The following FBXL17 variants were observed in gnomAD, a reference collection of about 807,000 sequenced individuals.
FBXL17 encodes the protein F-box/LRR-repeat protein 17.
Under a neutral mutation model 66.2 loss-of-function variants are expected in FBXL17, and 22 were observed. The observed-to-expected ratio is 0.33, with a 90% CI of 0.24 to 0.47. The LOEUF (loss-of-function observed/expected upper bound fraction) is 0.47, where lower values mean the gene tolerates loss of function less well. Among genes scored for constraint, FBXL17 ranks in the 20% least tolerant of loss-of-function variants. The pLI is 1.00. For synonymous variants in FBXL17, 474 were observed against 400.5 expected (o/e 1.18, Z -2.19); for missense variants, 878 against 948.2 (o/e 0.93, Z 0.97).
intron 4 of FBXL17, among the ~76,000 whole-genome samples, chr5:108,269,286 G>T (rs926726692): frequency 5.3e-5 from 8 of 151,984 alleles, no homozygotes; most frequent in Non-Finnish European, 8.8e-5. Flanking sequence ...TCAAAGTGGC[G>T]TATTTTGAGG....
At chr5:107,929,202 T>C (rs2112572210) in intron 7 of FBXL17, among the ~76,000 whole-genome samples, 1 of 152,302 alleles carries the variant, frequency 6.6e-6, no homozygotes, top group South Asian at 2.1e-4. Context: ...ATAATTCATT[T>C]TTAAATGCCT....
intron 4 of FBXL17, among the ~76,000 whole-genome samples, chr5:108,275,598 A>G (rs1242183272): frequency 6.6e-6 from 1 of 152,222 alleles, no homozygotes; most frequent in African/African-American, 2.4e-5. Flanking sequence ...TACCTGTGTC[A>G]AGAACTATAT....
At chr5:108,230,468 G>T (rs1460897784) in intron 4 of FBXL17, among the ~76,000 whole-genome samples, 1 of 152,172 alleles carries the variant, frequency 6.6e-6, no homozygotes, top group Non-Finnish European at 1.5e-5. Context: ...AGTAACTCAG[G>T]AATGGAAAAA....
intron 6 of FBXL17, among the ~76,000 whole-genome samples, chr5:108,101,625 C>T (rs113977273): frequency 1.8e-3 from 273 of 152,216 alleles, no homozygotes; most frequent in South Asian, 4.8e-3. Flanking sequence ...CTAAGAGATA[C>T]AAAAAGAGGA....
chr5:108,050,686 C>T (rs912988465), intron 6 of FBXL17, among the ~76,000 whole-genome samples: 1 of 151,862 alleles, frequency 6.6e-6, no homozygotes, highest in African/African-American at 2.4e-5. Flanking sequence ...TAGCAGAAGA[C>T]AAGAAATAAC....
intron 6 of FBXL17, among the ~76,000 whole-genome samples, chr5:108,035,462 G>A (rs1235743153): frequency 1.3e-5 from 2 of 152,108 alleles, no homozygotes; most frequent in Non-Finnish European, 2.9e-5. Flanking sequence ...TGCCTCCCAG[G>A]TTCAAGCAAT....
At chr5:108,334,742 G>C (rs1376557190) in intron 4 of FBXL17, among the ~76,000 whole-genome samples, 8 of 152,062 alleles carry the variant, frequency 5.3e-5, no homozygotes, top group Non-Finnish European at 1.2e-4. Context: ...CCTTTTCCAG[G>C]AGAAAACAAA....
intron 6 of FBXL17, among the ~76,000 whole-genome samples, chr5:108,103,638 C>A (rs968537890): frequency 2.6e-5 from 4 of 152,138 alleles, no homozygotes; most frequent in Admixed American, 6.5e-5. Context: ...TCTCATACTC[C>A]TGTAGTAAAA....
At chr5:108,021,134 T>TCTG in intron 6 of FBXL17, 133 bp from the exon 7 acceptor site, 1 of 588,864 alleles carries the variant, frequency 1.7e-6, no homozygotes, top group South Asian at 2.4e-5. Flanking sequence ...AGGTATTATA[T>TCTG]TCCCTGCTTT....
rs144631189 is a variant in FBXL17, at chr5:108,175,647, T to C, written c.1745+10470A>G. ...GCTGAAAGTATTCTGTCATTCTTCA[T>C]GTCTTCAGGAAACACTTCCCTTTCC... On this transcript the variant is annotated intron_variant, in intron 6 of 8. Coordinates refer to ENST00000542267, the MANE Select transcript of FBXL17 (RefSeq NM_001163315.3). Among the ~76,000 whole-genome samples the C allele has an allele frequency of 3.9e-3, 597 of 152,320 alleles. 1 individual carries two copies. Among genetic ancestry groups the C allele is most frequent in the African/African-American group, 0.014 (571 of 41,562 alleles).
At chr5:108,136,246 C>T (rs1301630367) in intron 6 of FBXL17, among the ~76,000 whole-genome samples, 1 of 152,028 alleles carries the variant, frequency 6.6e-6, no homozygotes, top group African/African-American at 2.4e-5. Flanking sequence ...ATTCAAATTA[C>T]TACTGGTTAA....
At chr5:107,997,988 CACTGTCCAAAG>C in intron 7 of FBXL17, among the ~76,000 whole-genome samples, 1 of 152,198 alleles carries the variant, frequency 6.6e-6, no homozygotes, top group East Asian at 1.9e-4. Flanking sequence ...TCTAGAGCTA[CACTGTCCAAAG>C]ACACACATGG....
chr5:107,922,057 T>C (rs1750342286), intron 7 of FBXL17, among the ~76,000 whole-genome samples: 1 of 152,162 alleles, frequency 6.6e-6, no homozygotes, highest in African/African-American at 2.4e-5. Context: ...GAGAGGCCAA[T>C]AAGACCTGCT....
In FBXL17 at chr5:108,160,015, C is replaced by CAA. The variant is rs33962727; in HGVS notation, c.1745+26100_1745+26101dup. 4.7e-3 allele frequency among the ~76,000 whole-genome samples: 670 copies of CAA among 142,654 alleles called. 2 individuals are homozygous for CAA. Among genetic ancestry groups the CAA allele is most frequent in the African/African-American group, 0.016 (597 of 37,168 alleles). The allele number at this position is 142,654 out of a possible 152,430, so 93.6% of individuals were successfully genotyped here. A position where few individuals can be genotyped will look rare whatever the true frequency, so the allele number is the denominator to read the frequency against. On this transcript the variant is annotated intron_variant, in intron 6 of 8. Coordinates refer to ENST00000542267, the MANE Select transcript of FBXL17 (RefSeq NM_001163315.3). ...TGCATGATTACATAGATATCCCTGTCAAAAAAAATTAGAAAAACCTTAATC... is the reference window on the plus strand; with the variant it reads ...TGCATGATTACATAGATATCCCTGTCAAAAAAAAAATTAGAAAAACCTTAATC...
intron 4 of FBXL17, among the ~76,000 whole-genome samples, chr5:108,224,732 C>T (rs1257037110): frequency 1.3e-5 from 2 of 152,094 alleles, no homozygotes; most frequent in African/African-American, 4.8e-5. Flanking sequence ...GCTGGGACTA[C>T]AAGCATGCAT....
intron 6 of FBXL17, among the ~76,000 whole-genome samples, chr5:108,096,251 C>T (rs1026300600): frequency 6.6e-6 from 1 of 152,174 alleles, no homozygotes; most frequent in Non-Finnish European, 1.5e-5. Context: ...GATTTTTCAG[C>T]TCAGTAAGAA....
chr5:108,291,920 T>C (rs957683037), intron 4 of FBXL17, among the ~76,000 whole-genome samples: 13 of 152,248 alleles, frequency 8.5e-5, no homozygotes, highest in African/African-American at 2.9e-4. Flanking sequence ...CCTCTCACTA[T>C]CACTGCCCTC....
intron 6 of FBXL17, among the ~76,000 whole-genome samples, chr5:108,101,844 C>A (rs1441747092): frequency 6.6e-6 from 1 of 152,170 alleles, no homozygotes; most frequent in Non-Finnish European, 1.5e-5. Flanking sequence ...ATTGACTGTA[C>A]AGGGCATGCC....
chr5:108,337,965 A>T (rs1746617460), intron 4 of FBXL17, among the ~76,000 whole-genome samples: 1 of 151,970 alleles, frequency 6.6e-6, no homozygotes, highest in African/African-American at 2.4e-5. Flanking sequence ...ACAATGAAAA[A>T]CTATAGAATG....
Sources: allele counts gnomAD v4.1 joint callset (sites outside exome capture counted in the v4.1 genomes callset), GRCh38; gene constraint gnomAD v4.1.1; transcripts MANE v1.5; gene names NCBI Gene and HGNC (gene_info 2026-07-23, HGNC 2026-07-21).